The following WIPI2 variants were observed in gnomAD, a reference collection of about 807,000 sequenced individuals.
WIPI2 encodes the protein WD repeat domain, phosphoinositide interacting 2.
Under a neutral mutation model 52.3 loss-of-function variants are expected in WIPI2, and 28 were observed. The ratio of observed to expected loss-of-function variants is 0.54; its 90% CI spans 0.40 to 0.73. WIPI2 has a LOEUF of 0.73. WIPI2 is among the 30% of genes least tolerant of loss of function. The pLI is 0.00. For missense variants in WIPI2, 506 were observed against 602.9 expected (o/e 0.84, Z 1.68); for synonymous variants, 268 against 245.0 (o/e 1.09, Z -0.88).
At chr7:5,213,214 T>C (rs1473776421) in intron 3 of WIPI2, 4 of 152,274 alleles carry the variant, frequency 2.6e-5, no homozygotes, top group Non-Finnish European at 5.9e-5. Flanking sequence ...TCTCCCCATT[T>C]GTGGCAGACG....
intron 1 of WIPI2, among the ~76,000 whole-genome samples, chr7:5,191,892 G>A (rs1460952314): frequency 6.6e-6 from 1 of 152,176 alleles, no homozygotes; most frequent in Non-Finnish European, 1.5e-5. Context: ...TGTATTGAGA[G>A]TCGGAAGGGG....
At chr7:5,217,584 C>G (rs376975841) in intron 6 of WIPI2, 3 of 412,530 alleles carry the variant, frequency 7.3e-6, no homozygotes, top group Non-Finnish European at 1.4e-5. Context: ...GGCGGGTGCC[C>G]CGCGCCCAGC....
chr7:5,211,288 A>G (rs536730532), intron 3 of WIPI2, among the ~76,000 whole-genome samples: 1 of 152,326 alleles, frequency 6.6e-6, no homozygotes, highest in Admixed American at 6.5e-5. Flanking sequence ...CCTGGCCAAC[A>G]TGGTGAAACC....
At position 5,230,320 on chromosome 7, in the gene WIPI2, C is replaced by T. The variant is rs1425302334; in HGVS notation, c.1253-515C>T. Among the ~76,000 whole-genome samples the T allele has an allele frequency of 2.0e-5, 3 of 152,304 alleles. No homozygotes were observed. The highest frequency in any genetic ancestry group is 3.4e-3 in the Middle Eastern group (1 of 294). ...ATGAGGCCAATGGGCTCCCCTCCGG[C>T]GGCAGCACTAAGACCCATGCATGAG... On this transcript the variant is annotated intron_variant, in intron 12 of 12. Coordinates refer to ENST00000288828, the MANE Select transcript of WIPI2 (RefSeq NM_015610.4). This position sits in a 1 kb window ranked among gnomAD's most constrained non-coding sequence, Gnocchi z 4.8.
At chr7:5,199,115 C>G (rs1781901567) in intron 2 of WIPI2, among the ~76,000 whole-genome samples, 1 of 152,184 alleles carries the variant, frequency 6.6e-6, no homozygotes, top group Non-Finnish European at 1.5e-5. Flanking sequence ...CCTCAACCTC[C>G]TGTCCTGGGC....
rs1172390882 is a variant in WIPI2 at position 5,222,631 on chromosome 7, A to C, written c.699A>C (p.Pro233=). The C allele has an allele frequency of 1.2e-6, 2 of 1,613,958 alleles. No individual in the cohort carries two copies. The highest frequency in any genetic ancestry group is 2.7e-5 in the African/African-American group (2 of 74,934). Reference sequence around the variant, plus strand: ...CCGTGATTAGGGTATTTTCCATTCCAGAAGGACAAAAACTCTTTGAGTTTC... The same window carrying C: ...CCGTGATTAGGGTATTTTCCATTCCCGAAGGACAAAAACTCTTTGAGTTTC... The part of the protein sequence containing the change: ...KGTVIRVFSI[P]EGQKLFEFRR... Residue 233 remains proline, a synonymous_variant, in exon 8 of 13, where the codon CCA becomes CCC. Transcript: ENST00000288828.
intron 3 of WIPI2, among the ~76,000 whole-genome samples, chr7:5,209,013 A>ATTTTTTTTT (rs55697377): frequency 6.5e-5 from 6 of 92,894 alleles, no homozygotes; most frequent in East Asian, 6.3e-4. Context: ...ATATTCTGTG[A>ATTTTTTTTT]TTTTTTTTTT....
intron 7 of WIPI2, among the ~76,000 whole-genome samples, chr7:5,220,508 G>T (rs908136274): frequency 6.6e-6 from 1 of 151,970 alleles, no homozygotes; most frequent in African/African-American, 2.4e-5. Flanking sequence ...CAAAGTGCTG[G>T]GATTACAGGA....
intron 2 of WIPI2, among the ~76,000 whole-genome samples, chr7:5,197,609 A>G (rs1385283089): frequency 2.6e-5 from 4 of 152,192 alleles, no homozygotes; most frequent in South Asian, 2.1e-4. Flanking sequence ...AGATAAATCA[A>G]TGTGATTTTA....
At chr7:5,210,991 TCGA>T (rs1782529306) in intron 3 of WIPI2, among the ~76,000 whole-genome samples, 1 of 152,212 alleles carries the variant, frequency 6.6e-6, no homozygotes, top group Non-Finnish European at 1.5e-5. Context: ...TTAGGGATAC[TCGA>T]CGACACTCAG....
chr7:5,195,323 C>T (rs947374615), intron 2 of WIPI2, among the ~76,000 whole-genome samples: 8 of 151,944 alleles, frequency 5.3e-5, no homozygotes, highest in Non-Finnish European at 8.8e-5. Context: ...CTCGACTCTA[C>T]ACAAAACAAA....
chr7:5,230,627 A>G lies in WIPI2; in HGVS notation c.1253-208A>G, dbSNP rs1783684532. Among the ~76,000 whole-genome samples, 1 of 152,214 alleles carries G rather than the reference A, an allele frequency of 6.6e-6. No individual in the cohort carries two copies. Among genetic ancestry groups the G allele is most frequent in the Non-Finnish European group, 1.5e-5 (1 of 68,042 alleles). On this transcript the variant is annotated intron_variant, in intron 12 of 12. Transcript: ENST00000288828. This position sits in a 1 kb window ranked among gnomAD's most constrained non-coding sequence, Gnocchi z 4.8. Reference sequence around the variant, plus strand: ...CTGTGCAGGCATCATTTTGACATTTATGAATGTCAGAGAACAAATGACTTC... The same window carrying G: ...CTGTGCAGGCATCATTTTGACATTTGTGAATGTCAGAGAACAAATGACTTC...
chr7:5,217,865 C>G lies in WIPI2; in HGVS notation c.577-57C>G, dbSNP rs1782900485. 2.5e-6 allele frequency: 4 copies of G among 1,582,170 alleles called. No homozygotes were observed. In the South Asian group the frequency reaches 4.4e-5, roughly 17 times the overall value. The stretch of plus-strand genomic sequence containing the variant: ...GGCACTTGCGGACCAAGTGTCAGCC[C>G]TGGGGCGTGGGCGGTCACTGTGCGG... On this transcript the variant is annotated intron_variant, in intron 6 of 12. Transcript: ENST00000288828.
intron 11 of WIPI2, among the ~76,000 whole-genome samples, chr7:5,228,620 T>C (rs1295193694): frequency 1.3e-5 from 2 of 152,270 alleles, no homozygotes; most frequent in African/African-American, 4.8e-5. Flanking sequence ...TGTCTCACTG[T>C]GAGGTACAGG....
intron 8 of WIPI2, among the ~76,000 whole-genome samples, chr7:5,223,243 G>T (rs1309982281): frequency 6.6e-6 from 1 of 152,176 alleles, no homozygotes; most frequent in Non-Finnish European, 1.5e-5. Context: ...TCGGGCTCTG[G>T]AGCCCGTGCC....
At position 5,229,788 on chromosome 7, in the gene WIPI2, G is replaced by A. The variant is rs935871246; in HGVS notation, c.1252+50G>A. ...AAGGTAATTAGCCCCACAGCCCCGA[G>A]TGCTACTGCCTTCTGCTGGCTCCGG... On this transcript the variant is annotated intron_variant, in intron 12 of 12. Transcript: ENST00000288828. 3.1e-6 allele frequency: 5 copies of A among 1,607,576 alleles called. No individual in the cohort carries two copies. The East Asian group carries it at 6.7e-5, about 22-fold the overall frequency.
chr7:5,225,248 C>G (rs1393251056), intron 8 of WIPI2, among the ~76,000 whole-genome samples: 1 of 152,026 alleles, frequency 6.6e-6, no homozygotes, highest in Non-Finnish European at 1.5e-5. Context: ...TCAAGCAATT[C>G]TCCTGCCTCA....
intron 1 of WIPI2, chr7:5,190,855 T>G: frequency 5.4e-6 from 1 of 186,582 alleles, no homozygotes; most frequent in South Asian, 1.8e-4. Context: ...TGTGGGTCGC[T>G]TCCTCTCCTC....
chr7:5,214,378 CGGG>C (rs1782706917), intron 3 of WIPI2, 154 bp from the exon 4 acceptor site: 1 of 1,601,036 alleles, frequency 6.2e-7, no homozygotes, highest in African/African-American at 1.3e-5. Flanking sequence ...CTCAGACCCC[CGGG>C]CTGTCCCCAC....
Sources: gnomAD v4.1 joint callset for allele counts (sites outside exome capture counted in the v4.1 genomes callset) on GRCh38, gnomAD v4.1.1 for gene constraint, Gnocchi (gnomAD v3.1) non-coding constraint, MANE v1.5 for transcripts, NCBI Gene and HGNC (gene_info 2026-07-23, HGNC 2026-07-21) for gene names.